The following LRRIQ1 variants were observed in gnomAD, a reference collection of about 807,000 sequenced individuals.
The protein encoded by LRRIQ1 is leucine rich repeats and IQ motif containing 1.
A neutral mutation model predicts 211.9 loss-of-function variants in LRRIQ1; 210 were observed. The observed-to-expected ratio is 0.99, with a 90% CI of 0.89 to 1.11. LRRIQ1 has a LOEUF of 1.11. Among genes scored for constraint, LRRIQ1 ranks in the 50% most tolerant of loss-of-function variants. LRRIQ1 has a pLI of 0.00. For missense variants in LRRIQ1, 2,136 were observed against 1,939.5 expected (o/e 1.10, Z -1.90); for synonymous variants, 699 against 650.1 (o/e 1.08, Z -1.14).
chr12:85,063,908 G>A lies in LRRIQ1; in HGVS notation c.2392-1354G>A, dbSNP rs533040177. On this transcript the variant is annotated intron_variant, in intron 8 of 26. Transcript: ENST00000393217. Reference sequence around the variant, plus strand: ...CTGAATAGTGCTCCATGGTGTATATGTACCACTTTTTCTCTATTCATTTCT... The same window carrying A: ...CTGAATAGTGCTCCATGGTGTATATATACCACTTTTTCTCTATTCATTTCT... 2.6e-5 allele frequency among the ~76,000 whole-genome samples: 4 copies of A among 151,884 alleles called. No homozygotes were observed. In the East Asian group the frequency reaches 7.8e-4, roughly 30 times the overall value.
At chr12:85,079,040 A>T (rs867185328) in intron 11 of LRRIQ1, among the ~76,000 whole-genome samples, 1 of 152,036 alleles carries the variant, frequency 6.6e-6, no homozygotes, top group East Asian at 1.9e-4. Context: ...TCTGCAGTCA[A>T]TTTGCTATAA....
chr12:85,099,557 G>A (rs1251222180), intron 13 of LRRIQ1, among the ~76,000 whole-genome samples: 1 of 151,812 alleles, frequency 6.6e-6, no homozygotes, highest in African/African-American at 2.4e-5. Flanking sequence ...GATCTTTGCT[G>A]AGAATAACTG....
In LRRIQ1 at chr12:85,217,552, A is replaced by G. The variant is rs867840119; in HGVS notation, c.4823-11965A>G. Among the ~76,000 whole-genome samples, 358 of 83,566 alleles carry G rather than the reference A, an allele frequency of 4.3e-3. 4 individuals are homozygous for G. Among genetic ancestry groups the G allele is most frequent in the East Asian group, 0.031 (77 of 2,482 alleles). The allele number at this position is 83,566 out of a possible 152,430, so 54.8% of individuals were successfully genotyped here. On this transcript the variant is annotated intron_variant, in intron 24 of 26. Transcript: ENST00000393217. ...TGTGTGTGTGTGTGTGTGTGTGTGT[A>G]TATAGGTATATATATGTGTGTATAC...
At chr12:85,189,985 ATAT>A (rs922828057) in intron 24 of LRRIQ1, among the ~76,000 whole-genome samples, 1 of 126,864 alleles carries the variant, frequency 7.9e-6, no homozygotes, top group Admixed American at 7.7e-5. Context: ...ATATAACAGT[ATAT>A]TATATTATAT....
intron 1 of LRRIQ1, among the ~76,000 whole-genome samples, chr12:85,260,684 C>T (rs1350478682): frequency 6.6e-6 from 1 of 152,064 alleles, no homozygotes; most frequent in African/African-American, 2.4e-5. Context: ...ATTCGGTATC[C>T]AGGCAACAGT....
intron 18 of LRRIQ1, among the ~76,000 whole-genome samples, chr12:85,137,102 A>G (rs915010078): frequency 6.6e-6 from 1 of 151,354 alleles, no homozygotes; most frequent in Non-Finnish European, 1.5e-5. Flanking sequence ...ATATATATAC[A>G]TATATACTTC....
intron 24 of LRRIQ1, among the ~76,000 whole-genome samples, chr12:85,163,928 C>T (rs939351333): frequency 1.3e-5 from 2 of 152,152 alleles, no homozygotes; most frequent in East Asian, 3.9e-4. Context: ...CCACGCCTGT[C>T]CCCAGAGTCA....
chr12:85,039,388 A>C (rs930793342), intron 2 of LRRIQ1, among the ~76,000 whole-genome samples: 4 of 151,636 alleles, frequency 2.6e-5, no homozygotes, highest in Admixed American at 2.6e-4. Flanking sequence ...CAATCCAGGT[A>C]GCTTAGAATT....
chr12:85,205,736 T>C (rs1893510240), intron 24 of LRRIQ1, among the ~76,000 whole-genome samples: 1 of 152,220 alleles, frequency 6.6e-6, no homozygotes, highest in Non-Finnish European at 1.5e-5. Context: ...TGGGAAGCCA[T>C]TGAGCCATAG....
intron 1 of LRRIQ1, among the ~76,000 whole-genome samples, chr12:85,250,969 A>ATATAT (rs1895924291): frequency 1.3e-5 from 1 of 76,948 alleles, no homozygotes; most frequent in African/African-American, 4.5e-5. Flanking sequence ...ATATTATATT[A>ATATAT]TATATATTAT....
intron 8 of LRRIQ1, among the ~76,000 whole-genome samples, chr12:85,058,693 C>A (rs547690318): frequency 6.6e-6 from 1 of 151,996 alleles, no homozygotes; most frequent in Non-Finnish European, 1.5e-5. Context: ...TTAACTCTTT[C>A]TTTTACTTCT....
chr12:85,065,588 T>G (rs1882346316), intron 9 of LRRIQ1, among the ~76,000 whole-genome samples, 174 bp downstream of exon 9: 1 of 151,822 alleles, frequency 6.6e-6, no homozygotes, highest in African/African-American at 2.4e-5. Context: ...GGAAGTTTAT[T>G]GGATGATACA....
intron 15 of LRRIQ1, among the ~76,000 whole-genome samples, chr12:85,113,617 G>A (rs916658418): frequency 2.6e-5 from 4 of 152,042 alleles, no homozygotes; most frequent in Non-Finnish European, 4.4e-5. Flanking sequence ...GAAATTGCGT[G>A]TTTCTGCCCC....
intron 19 of LRRIQ1, among the ~76,000 whole-genome samples, chr12:85,140,714 T>A (rs533740890): frequency 6.6e-6 from 1 of 151,344 alleles, no homozygotes; most frequent in East Asian, 2.0e-4. Flanking sequence ...AAGTAAGATG[T>A]TTCCTATAGG....
At position 85,038,270 on chromosome 12, in the gene LRRIQ1, G is replaced by C; in HGVS notation, c.94G>C (p.Asp32His). 6.3e-7 allele frequency: 1 copy of C among 1,583,818 alleles called. No homozygotes were observed. The highest frequency in any genetic ancestry group is 8.6e-7 in the Non-Finnish European group (1 of 1,163,504). The part of the protein sequence containing the change: ...SSLEKEDIES[D>H]AKSETQSDDS... ...CTTGGAAAAAGAAGACATTGAGAGTGATGCAAAATCAGAAACCCAGAGTGA... is the reference window on the plus strand; with the variant it reads ...CTTGGAAAAAGAAGACATTGAGAGTCATGCAAAATCAGAAACCCAGAGTGA... The change falls in exon 2 of 27, where the codon GAT becomes CAT. Residue 32 changes from aspartate (D) to histidine (H), a missense_variant. Asp to His is a moderately conservative substitution (Grantham distance 81). Transcript: ENST00000393217.
chr12:85,146,337 T>C (rs1325402935), intron 19 of LRRIQ1, among the ~76,000 whole-genome samples: 1 of 151,746 alleles, frequency 6.6e-6, no homozygotes, highest in Non-Finnish European at 1.5e-5. Context: ...GGGGAAAATA[T>C]CCACATCTGT....
intron 24 of LRRIQ1, among the ~76,000 whole-genome samples, chr12:85,197,952 AT>A (rs1893039294): frequency 9.0e-6 from 1 of 111,356 alleles, no homozygotes; most frequent in Non-Finnish European, 1.7e-5. Flanking sequence ...TTTATATATA[AT>A]TATATATTAT....
downstream of LRRIQ1, among the ~76,000 whole-genome samples, chr12:85,245,475 A>T (rs1198330962): frequency 6.7e-6 from 1 of 149,020 alleles, no homozygotes; most frequent in Admixed American, 6.7e-5. Flanking sequence ...TAACTTGGTG[A>T]GAAATATACA....
chr12:85,177,397 A>G (rs1295372812), intron 24 of LRRIQ1, among the ~76,000 whole-genome samples: 1 of 152,082 alleles, frequency 6.6e-6, no homozygotes, highest in Non-Finnish European at 1.5e-5. Context: ...TGTGGAGGGA[A>G]GCTCATTTTG....
Sources: allele counts gnomAD v4.1 joint callset (sites outside exome capture counted in the v4.1 genomes callset), GRCh38; gene constraint gnomAD v4.1.1; transcripts MANE v1.5; gene names NCBI Gene and HGNC (gene_info 2026-07-23, HGNC 2026-07-21).